Variants in FAM20C observed in about 807,000 individuals in gnomAD.
FAM20C encodes the protein extracellular serine/threonine protein kinase FAM20C.
Under a neutral mutation model 51.5 loss-of-function variants are expected in FAM20C, and 40 were observed. The observed-to-expected ratio is 0.78, with a 90% CI of 0.60 to 1.01. FAM20C has a LOEUF of 1.01. Ranked by LOEUF, FAM20C falls within the 50% of genes least tolerant of loss-of-function variation. FAM20C has a pLI of 0.00. For missense variants in FAM20C, 861 were observed against 844.7 expected, an observed-to-expected ratio of 1.02 and a Z score of -0.24; for synonymous variants, 406 against 380.6, an observed-to-expected ratio of 1.07 and a Z score of -0.78.
intron 3 of FAM20C, chr7:228,805 G>T (rs976567793): frequency 2.2e-6 from 1 of 456,132 alleles, no homozygotes; most frequent in East Asian, 7.0e-5. Context: ...CGGCATGAGT[G>T]GGGTCCCGGG....
At position 208,951 on chromosome 7, in the gene FAM20C, G is replaced by T. The variant is rs779708323; in HGVS notation, c.838G>T (p.Gly280Trp). 8.2e-6 allele frequency: 13 copies of T among 1,585,744 alleles called. No homozygotes were observed. The highest frequency in any genetic ancestry group is 2.3e-5 in the East Asian group (1 of 43,400). Residue 280 changes from glycine (G) to tryptophan (W), a missense_variant, in exon 3 of 10, where the codon GGG (glycine) becomes TGG (tryptophan). This residue lies in a region of FAM20C where 561 missense variants were observed against 499.8 expected (regional missense o/e 1.12). Coordinates refer to ENST00000313766, the MANE Select transcript of FAM20C (RefSeq NM_020223.4). ...LKLIMTFQNY[G>W]QALFKPMKQT... ...GCTCATCATGACCTTCCAGAATTAC[G>T]GGCAAGCGCTGTTCAAACCCATGAA...
Position 258,402 on chromosome 7 carries a change from C to T in FAM20C, c.1446-244C>T, listed in dbSNP as rs576595738. ...CAGGGTGGACCCACTGCCCGGGATG[C>T]TGGAGATGGGTGGGGTGGACCCACT... On this transcript the variant is annotated intron_variant, in intron 8 of 9. Transcript: ENST00000313766. Among the ~76,000 whole-genome samples, 4 of 111,040 alleles carry T rather than the reference C, an allele frequency of 3.6e-5. 1 individual carries two copies. In the South Asian group the frequency reaches 1.3e-3, roughly 36 times the overall value. The allele number at this position is 111,040 out of a possible 152,430, so 72.8% of individuals were successfully genotyped here.
At chr7:241,697 T>G (rs889002915) in intron 3 of FAM20C, among the ~76,000 whole-genome samples, 4 of 152,150 alleles carry the variant, frequency 2.6e-5, no homozygotes, top group Non-Finnish European at 5.9e-5. Flanking sequence ...CACATATGTG[T>G]GTGCACACGT....
chr7:200,212 T>C (rs528454545), intron 2 of FAM20C, among the ~76,000 whole-genome samples: 1 of 152,278 alleles, frequency 6.6e-6, no homozygotes, highest in South Asian at 2.1e-4. Context: ...GAAAGGCCAC[T>C]GTTCCCCCTC....
intron 5 of FAM20C, among the ~76,000 whole-genome samples, chr7:252,982 T>C (rs1330867540): frequency 6.6e-6 from 1 of 152,218 alleles, no homozygotes; most frequent in Admixed American, 6.5e-5. Context: ...CAGGCCCAGG[T>C]CCTCAGCAGC....
intron 8 of FAM20C, among the ~76,000 whole-genome samples, chr7:258,038 G>GA (rs1372612108): frequency 2.6e-5 from 3 of 115,066 alleles, no homozygotes; most frequent in African/African-American, 6.3e-5. Flanking sequence ...CACTGCCCGG[G>GA]TGCTGGAGAT....
chr7:193,372 C>A lies in FAM20C; in HGVS notation c.173C>A (p.Pro58His). Residue 58 changes from proline to histidine, a missense_variant, in exon 1 of 10, where the codon CCC (proline) becomes CAC (histidine). Around this residue, in one of 3 missense-constraint regions of FAM20C, gnomAD observed 561 missense variants for 499.8 expected, o/e 1.12. Coordinates refer to ENST00000313766, the MANE Select transcript of FAM20C (RefSeq NM_020223.4). ...CAGCCCGCCGCCGAGGTGGCCGCGCCCGGCTGGGCCCAGGTTCGGGGCCGC... is the reference window on the plus strand; with the variant it reads ...CAGCCCGCCGCCGAGGTGGCCGCGCACGGCTGGGCCCAGGTTCGGGGCCGC... ...CAQPAAEVAA[P>H]GWAQVRGRPG... The A allele has an allele frequency of 1.6e-6, 2 of 1,272,196 alleles. No homozygotes were observed. Among genetic ancestry groups the A allele is most frequent in the Non-Finnish European group, 2.0e-6 (2 of 1,009,662 alleles). The allele number at this position is 1,272,196 out of a possible 1,614,324, so 78.8% of individuals were successfully genotyped here.
At chr7:207,729 C>T (rs1199459576) in intron 2 of FAM20C, among the ~76,000 whole-genome samples, 1 of 152,256 alleles carries the variant, frequency 6.6e-6, no homozygotes, top group Non-Finnish European at 1.5e-5. Flanking sequence ...CCCCGCGTGG[C>T]CCGGACCTAC....
chr7:202,384 T>G (rs1404894367), intron 2 of FAM20C, among the ~76,000 whole-genome samples: 1 of 146,592 alleles, frequency 6.8e-6, no homozygotes, highest in Non-Finnish European at 1.5e-5. Flanking sequence ...ATGGGGCCCG[T>G]GGACATCTTC....
Position 204,654 on chromosome 7 carries a change from G to A in FAM20C, c.785-4244G>A, listed in dbSNP as rs546265979. Among the ~76,000 whole-genome samples the A allele has an allele frequency of 9.8e-5, 15 of 152,310 alleles. No individual in the cohort carries two copies. The East Asian group carries it at 2.1e-3, about 22-fold the overall frequency. On this transcript the variant is annotated intron_variant, in intron 2 of 9. Transcript: ENST00000313766. ...CACTCAGGGAAGAGACACGGCACTC[G>A]CGTGGCCTTTGCCGTGGTGAGCGCC...
intron 2 of FAM20C, among the ~76,000 whole-genome samples, chr7:196,557 C>T (rs915783140): frequency 6.6e-6 from 1 of 152,154 alleles, no homozygotes; most frequent in African/African-American, 2.4e-5. Flanking sequence ...TGGGCAGGTG[C>T]AGAGGCCATG....
At chr7:208,775 C>A in intron 2 of FAM20C, 123 bp from the exon 3 acceptor site, 1 of 913,400 alleles carries the variant, frequency 1.1e-6, no homozygotes, top group Non-Finnish European at 1.6e-6. Context: ...ACTTCCCAGG[C>A]AGAGTGGGAC....
At chr7:231,951 G>A (rs1412312927) in intron 3 of FAM20C, among the ~76,000 whole-genome samples, 5 of 152,242 alleles carry the variant, frequency 3.3e-5, no homozygotes, top group Admixed American at 6.5e-5. Flanking sequence ...CCCAGCACCC[G>A]CCCCTGCCCA....
At chr7:255,301 G>A (rs1788548015) in intron 5 of FAM20C, among the ~76,000 whole-genome samples, 2 of 152,176 alleles carry the variant, frequency 1.3e-5, no homozygotes. Context: ...CCTCACCGTG[G>A]CTTTGATTTG....
intron 2 of FAM20C, among the ~76,000 whole-genome samples, chr7:205,235 T>TCAGCCTCCCGAGTAGCC (rs1562366693): frequency 7.0e-5 from 4 of 57,376 alleles, no homozygotes; most frequent in African/African-American, 1.6e-4. Context: ...CCCGAGTAGC[T>TCAGCCTCCCGAGTAGCC]GGGACCACAG....
chr7:224,293 A>C (rs796465794), intron 3 of FAM20C, among the ~76,000 whole-genome samples: 641 of 19,582 alleles, frequency 0.033, 21 homozygotes, highest in East Asian at 0.067. Context: ...TCTCTCACGG[A>C]GCAGAATGGC....
In FAM20C at chr7:256,034, G is replaced by T. The variant is rs1407741465; in HGVS notation, c.1253+5G>T. The T allele has an allele frequency of 6.5e-7, 1 of 1,533,984 alleles. No homozygotes were observed. Among genetic ancestry groups the T allele is most frequent in the African/African-American group, 1.4e-5 (1 of 72,992 alleles). The stretch of plus-strand genomic sequence containing the variant: ...CCACAAGCGCAAGAAGGCCGAGTGA[G>T]TGCGGGGCCGGGGGGCTGGCGTCCG... On this transcript the variant is annotated splice_donor_5th_base_variant and intron_variant, in intron 6 of 9. Coordinates refer to ENST00000313766, the MANE Select transcript of FAM20C (RefSeq NM_020223.4).
At chr7:201,333 G>A (rs940019570) in intron 2 of FAM20C, among the ~76,000 whole-genome samples, 7 of 152,218 alleles carry the variant, frequency 4.6e-5, no homozygotes, top group Admixed American at 6.5e-5. Flanking sequence ...CTCACACCTG[G>A]ATGTGTTTCT....
At chr7:236,142 T>TC (rs1483114210) in intron 3 of FAM20C, among the ~76,000 whole-genome samples, 1 of 151,868 alleles carries the variant, frequency 6.6e-6, no homozygotes, top group Non-Finnish European at 1.5e-5. Flanking sequence ...AAAGCCTTTT[T>TC]CCCGGGGGCT....
Sources: allele counts gnomAD v4.1 joint callset (sites outside exome capture counted in the v4.1 genomes callset), GRCh38; gene constraint gnomAD v4.1.1; regional missense constraint gnomAD v4.1.1; transcripts MANE v1.5; gene names NCBI Gene and HGNC (gene_info 2026-07-23, HGNC 2026-07-21).